The following PEX5 variants were observed in gnomAD, a reference collection of about 807,000 sequenced individuals.
The protein encoded by PEX5 is PTS1 receptor.
In PEX5, 52 loss-of-function variants were observed where a neutral mutation model predicts 82.9. The observed-to-expected ratio is 0.63, with a 90% CI of 0.50 to 0.79. PEX5 has a LOEUF of 0.79. Among genes scored for constraint, PEX5 ranks in the 30% least tolerant of loss-of-function variants. PEX5 has a pLI of 0.00. For synonymous variants in PEX5, 300 were observed against 318.8 expected (o/e 0.94, Z 0.63); for missense variants, 719 against 815.2 (o/e 0.88, Z 1.44).
At chr12:7,203,649 C>A in intron 10 of PEX5, 98 bp downstream of exon 10, 2 of 1,165,722 alleles carry the variant, frequency 1.7e-6, no homozygotes, top group Non-Finnish European at 2.5e-6. Context: ...TAAGTATTTT[C>A]TTGAGTCCCT....
chr12:7,213,734 A>G (rs1945695938), downstream of PEX5, among the ~76,000 whole-genome samples: 2 of 150,360 alleles, frequency 1.3e-5, no homozygotes, highest in African/African-American at 2.4e-5. Context: ...ATGGGATCTA[A>G]TTAAACTAAA....
downstream of PEX5, among the ~76,000 whole-genome samples, chr12:7,214,161 G>A (rs752932771): frequency 0.011 from 1,721 of 152,288 alleles, 28 homozygotes; most frequent in African/African-American, 0.038. Flanking sequence ...GGAAGTCAGT[G>A]TGGTGATTCC....
chr12:7,213,908 C>T (rs1212709193), downstream of PEX5, among the ~76,000 whole-genome samples: 2 of 151,982 alleles, frequency 1.3e-5, no homozygotes, highest in African/African-American at 2.4e-5. Context: ...AAAAAGTGGG[C>T]GAAGGACATG....
At position 7,203,502 on chromosome 12, in the gene PEX5, A is replaced by G; in HGVS notation, c.917A>G (p.His306Arg). The G allele has an allele frequency of 6.2e-7, 1 of 1,613,922 alleles. No homozygotes were observed. Among genetic ancestry groups the G allele is most frequent in the Non-Finnish European group, 8.5e-7 (1 of 1,179,938 alleles). ...EEMAKRDAEA[H>R]PWLSDYDDLT... is the part of the protein sequence containing the mutation. ...ATGGCAAAACGGGATGCTGAGGCCC[A>G]CCCCTGGCTTTCTGACTATGATGAC... Residue 306 changes from histidine (H) to arginine (R), a missense_variant, in exon 10 of 16, where the codon CAC (histidine) becomes CGC (arginine). By Grantham distance (29) the His-to-Arg change is conservative (BLOSUM62 0). Transcript: ENST00000675855.
Position 7,191,800 on chromosome 12 carries a change from T to A in PEX5, c.448+100T>A, listed in dbSNP as rs1941189457. On this transcript the variant is annotated intron_variant, in intron 5 of 15. Coordinates refer to ENST00000675855, the MANE Select transcript of PEX5 (RefSeq NM_001351132.2). ...TAGTGTGATTACGATTTTTCTGGTC[T>A]CATGACTCATTTCTAGAGGGGTAGG... The A allele has an allele frequency of 7.1e-6, 8 of 1,132,782 alleles. No individual in the cohort carries two copies. The South Asian group carries it at 9.9e-5, about 14-fold the overall frequency. The allele number at this position is 1,132,782 out of a possible 1,614,324, so 70.2% of individuals were successfully genotyped here.
intron 5 of PEX5, among the ~76,000 whole-genome samples, chr12:7,196,494 ATAAT>A (rs1355998149): frequency 2.3e-5 from 3 of 133,310 alleles, no homozygotes; most frequent in African/African-American, 8.0e-5. Flanking sequence ...ATATAATGTA[ATAAT>A]TATATATGTC....
chr12:7,203,710 T>G (rs1251305682), intron 10 of PEX5, among the ~76,000 whole-genome samples, 159 bp downstream of exon 10: 2 of 152,228 alleles, frequency 1.3e-5, no homozygotes, highest in Non-Finnish European at 2.9e-5. Flanking sequence ...CTTCAGTGAT[T>G]GAGTATAAAC....
intron 5 of PEX5, 30 bp downstream of exon 5, chr12:7,191,730 G>C: frequency 6.2e-7 from 1 of 1,601,548 alleles, no homozygotes. Flanking sequence ...AATCTATATT[G>C]GCTTCTATGG....
rs375860970 is a variant in PEX5 at position 7,208,448 on chromosome 12, A to T, written c.1182-9A>T. The T allele has an allele frequency of 1.4e-5, 23 of 1,610,246 alleles. No individual in the cohort carries two copies. In the African/African-American group the frequency reaches 2.5e-4, roughly 18 times the overall value. ...CAGATATCAAGTCTGCCCATCCCTG[A>T]TCAAACAGGTGTCTGGAGCTAAAGC... is the stretch of plus-strand genomic sequence containing the variant. On this transcript the variant is annotated splice_polypyrimidine_tract_variant and intron_variant, in intron 12 of 15. Transcript: ENST00000675855.
At chr12:7,190,772 A>G (rs1940931360) in intron 2 of PEX5, 116 bp from the exon 3 acceptor site, 2 of 1,310,896 alleles carry the variant, frequency 1.5e-6, no homozygotes, top group East Asian at 4.6e-5. Flanking sequence ...GTGCACCTTT[A>G]AATAAATGCA....
At chr12:7,191,026 C>G in intron 3 of PEX5, 103 bp downstream of exon 3, 1 of 1,250,296 alleles carries the variant, frequency 8.0e-7, no homozygotes, top group Middle Eastern at 2.1e-4. Flanking sequence ...CTTTCCTGAC[C>G]GAATGAGAAT....
At chr12:7,216,910 T>C (rs1015518203) in intron 17 of PEX5, among the ~76,000 whole-genome samples, 72 of 152,350 alleles carry the variant, frequency 4.7e-4, no homozygotes, top group African/African-American at 1.7e-3. Flanking sequence ...TGTTAGAGAA[T>C]AGGAATGTTT....
At chr12:7,216,575 TTTTTG>T (rs1945788008) in intron 17 of PEX5, among the ~76,000 whole-genome samples, 1 of 152,036 alleles carries the variant, frequency 6.6e-6, no homozygotes, top group South Asian at 2.1e-4. Flanking sequence ...TAACTTCTAT[TTTTTG>T]TTTTTAAGAT....
rs1945517644 is a variant in PEX5 at position 7,211,100 on chromosome 12, G to T, written c.*877G>T. ...TTGAGCCAACTGTTATAGAAAATTG[G>T]TTCAGAAAGTGCAATCTTGCCAGAT... is the stretch of plus-strand genomic sequence containing the variant. On this transcript the variant is annotated 3_prime_UTR_variant, in exon 16 of 16. Transcript: ENST00000675855. 6.5e-6 allele frequency: 1 copy of T among 152,708 alleles called. No individual in the cohort carries two copies. The highest frequency in any genetic ancestry group is 2.4e-5 in the African/African-American group (1 of 41,440). The allele number at this position is 152,708 out of a possible 1,614,324, so 9.5% of individuals were successfully genotyped here. A position where few individuals can be genotyped will look rare whatever the true frequency, so the allele number is the denominator to read the frequency against.
chr12:7,191,013 G>C, intron 3 of PEX5, 90 bp downstream of exon 3: 1 of 1,347,524 alleles, frequency 7.4e-7, no homozygotes, highest in Non-Finnish European at 1.1e-6. Context: ...TTCAATTTTT[G>C]GGCTTTCCTG....
intron 5 of PEX5, among the ~76,000 whole-genome samples, chr12:7,198,305 A>G (rs1943122695): frequency 6.6e-6 from 1 of 152,198 alleles, no homozygotes; most frequent in Admixed American, 6.5e-5. Context: ...AGGGAACTGT[A>G]AACGTTCTGT....
rs1335923329 is a variant in PEX5, at chr12:7,210,075, G to C, written c.1772G>C (p.Gly591Ala). 1 of 1,614,224 alleles carries C rather than the reference G, an allele frequency of 6.2e-7. No individual in the cohort carries two copies. Among genetic ancestry groups the C allele is most frequent in the East Asian group, 2.2e-5 (1 of 44,886 alleles). Reference protein sequence around the residue: ...EALNMQRKSRGPRGEGGAMSE... With the variant: ...EALNMQRKSRAPRGEGGAMSE... ...CTGAACATGCAGAGGAAAAGCCGGG[G>C]CCCCCGGGGTGAAGGAGGTGCCATG... The change falls in exon 16 of 16, where the codon GGC becomes GCC. Residue 591 changes from glycine (G) to alanine (A), a missense_variant. Coordinates refer to ENST00000675855, the MANE Select transcript of PEX5 (RefSeq NM_001351132.2).
chr12:7,190,952 AT>A, intron 3 of PEX5, 29 bp downstream of exon 3: 2 of 1,604,928 alleles, frequency 1.2e-6, no homozygotes, highest in Non-Finnish European at 8.5e-7. Flanking sequence ...TTTCTGTCCC[AT>A]TTTTCTCTTG....
chr12:7,208,943 T>C (rs1945166877), intron 13 of PEX5, 62 bp from the exon 14 acceptor site: 3 of 1,415,864 alleles, frequency 2.1e-6, no homozygotes, highest in Non-Finnish European at 3.0e-6. Context: ...AGAAATTAAT[T>C]TGGGGGGATG....
Sources: gnomAD v4.1 joint callset for allele counts (sites outside exome capture counted in the v4.1 genomes callset) on GRCh38, gnomAD v4.1.1 for gene constraint, MANE v1.5 for transcripts, NCBI Gene and HGNC (gene_info 2026-07-23, HGNC 2026-07-21) for gene names.